The following IMMP2L variants were observed in gnomAD, a reference collection of about 807,000 sequenced individuals.
IMMP2L encodes the protein inner mitochondrial membrane peptidase subunit 2.
In IMMP2L, 18 loss-of-function variants were observed where a neutral mutation model predicts 19.3. The observed-to-expected ratio is 0.93, with a 90% CI of 0.64 to 1.38. The LOEUF (loss-of-function observed/expected upper bound fraction) is 1.38, where lower values mean the gene tolerates loss of function less well. IMMP2L is among the 40% of genes most tolerant of loss of function. The probability of loss-of-function intolerance (pLI) is 0.00; values close to 1 mark genes in which losing one functional copy is unlikely to be tolerated. For synonymous variants in IMMP2L, 76 were observed against 73.0 expected (o/e 1.04, Z -0.21); for missense variants, 233 against 218.2 (o/e 1.07, Z -0.43).
At chr7:111,209,328 C>T (rs375105750) in intron 3 of IMMP2L, among the ~76,000 whole-genome samples, 9 of 144,104 alleles carry the variant, frequency 6.2e-5, no homozygotes, top group South Asian at 2.2e-4. Flanking sequence ...ACCCAGGAGA[C>T]GGAGGTTGCA....
chr7:111,160,737 A>G (rs1805166606), intron 3 of IMMP2L, among the ~76,000 whole-genome samples: 1 of 150,560 alleles, frequency 6.6e-6, no homozygotes, highest in Non-Finnish European at 1.5e-5. Context: ...GTAAAAGTAA[A>G]ATTAAAAAAT....
At chr7:111,243,411 T>A (rs1280484409) in intron 3 of IMMP2L, among the ~76,000 whole-genome samples, 1 of 152,080 alleles carries the variant, frequency 6.6e-6, no homozygotes, top group Non-Finnish European at 1.5e-5. Flanking sequence ...GGACTAGTAA[T>A]TTCCACAATA....
At chr7:111,342,613 A>T (rs1026877687) in intron 3 of IMMP2L, among the ~76,000 whole-genome samples, 5 of 152,044 alleles carry the variant, frequency 3.3e-5, no homozygotes, top group Non-Finnish European at 5.9e-5. Flanking sequence ...TAAAGGTCAT[A>T]TACAATTTTA....
rs148491067 is a variant in IMMP2L, at chr7:111,465,091, G to A, written c.239+22147C>T. ...ATTACAGGTGTGAGCCACCGCGTCC[G>A]GCCAACACAGCCAACTCTTTAAATT... On this transcript the variant is annotated intron_variant, in intron 3 of 5. Coordinates refer to ENST00000405709, the MANE Select transcript of IMMP2L (RefSeq NM_032549.4). Among the ~76,000 whole-genome samples the A allele has an allele frequency of 1.8e-4, 28 of 151,846 alleles. No homozygotes were observed. In the East Asian group the frequency reaches 4.5e-3, roughly 24 times the overall value.
chr7:111,350,520 C>T (rs1425450007), intron 3 of IMMP2L, among the ~76,000 whole-genome samples: 3 of 152,006 alleles, frequency 2.0e-5, no homozygotes, highest in African/African-American at 7.2e-5. Flanking sequence ...AATATTCCTT[C>T]CTCAGATAGG....
chr7:111,027,251 C>G (rs1036391197), intron 3 of IMMP2L, among the ~76,000 whole-genome samples: 3 of 152,114 alleles, frequency 2.0e-5, no homozygotes, highest in Non-Finnish European at 4.4e-5. Flanking sequence ...GGGCTGAGTT[C>G]TCATTTGCTG....
chr7:111,407,175 G>A (rs988134756), intron 3 of IMMP2L, among the ~76,000 whole-genome samples: 1 of 151,936 alleles, frequency 6.6e-6, no homozygotes, highest in African/African-American at 2.4e-5. Flanking sequence ...GAGGTTGTGG[G>A]GAAAATAGAA....
At chr7:111,066,601 A>G (rs1485440176) in intron 3 of IMMP2L, among the ~76,000 whole-genome samples, 3 of 152,176 alleles carry the variant, frequency 2.0e-5, no homozygotes, top group Non-Finnish European at 2.9e-5. Context: ...CTCAAAGGCA[A>G]TGGCCAAATA....
chr7:111,326,737 C>T (rs1825358022), intron 3 of IMMP2L, among the ~76,000 whole-genome samples: 1 of 151,814 alleles, frequency 6.6e-6, no homozygotes, highest in Admixed American at 6.6e-5. Flanking sequence ...AACCCTTATG[C>T]ACTGTTGGTG....
At chr7:111,343,792 A>C (rs1270859356) in intron 3 of IMMP2L, among the ~76,000 whole-genome samples, 1 of 152,156 alleles carries the variant, frequency 6.6e-6, no homozygotes, top group Admixed American at 6.6e-5. Flanking sequence ...AGGGTGAAAC[A>C]GAAAGTAACC....
intron 3 of IMMP2L, among the ~76,000 whole-genome samples, chr7:111,169,997 T>C (rs1242378726): frequency 6.6e-6 from 1 of 151,906 alleles, no homozygotes; most frequent in Non-Finnish European, 1.5e-5. Context: ...AAAAGATATG[T>C]AGATATAAAA....
At chr7:111,358,829 G>A (rs1177712772) in intron 3 of IMMP2L, among the ~76,000 whole-genome samples, 1 of 152,050 alleles carries the variant, frequency 6.6e-6, no homozygotes, top group Non-Finnish European at 1.5e-5. Flanking sequence ...AAATTAACAA[G>A]GGACAGAAAT....
intron 3 of IMMP2L, among the ~76,000 whole-genome samples, chr7:111,142,549 A>G (rs1011511153): frequency 6.6e-6 from 1 of 152,134 alleles, no homozygotes; most frequent in African/African-American, 2.4e-5. Flanking sequence ...TTTCCTGAAC[A>G]GGACAAGCAG....
intron 3 of IMMP2L, among the ~76,000 whole-genome samples, chr7:111,278,094 GT>G (rs1170407533): frequency 1.3e-5 from 2 of 152,098 alleles, no homozygotes; most frequent in African/African-American, 4.8e-5. Context: ...TGGGAGAGGG[GT>G]GAGGGCTAAA....
intron 3 of IMMP2L, among the ~76,000 whole-genome samples, chr7:111,291,430 T>C (rs1821095059): frequency 6.6e-6 from 1 of 152,204 alleles, no homozygotes; most frequent in Admixed American, 6.6e-5. Context: ...CATCCAGTCT[T>C]ACTTTTGACA....
intron 2 of IMMP2L, among the ~76,000 whole-genome samples, chr7:111,502,035 A>T (rs1399211145): frequency 6.6e-6 from 1 of 151,966 alleles, no homozygotes; most frequent in Non-Finnish European, 1.5e-5. Flanking sequence ...GGCAAATTGG[A>T]TAAAGAGTCA....
At chr7:110,809,301 C>T (rs985951727) in intron 5 of IMMP2L, among the ~76,000 whole-genome samples, 10 of 151,936 alleles carry the variant, frequency 6.6e-5, no homozygotes, top group Non-Finnish European at 1.3e-4. Context: ...AAAACAAATA[C>T]TCTTAGACAT....
At chr7:111,072,686 G>A (rs1311606688) in intron 3 of IMMP2L, among the ~76,000 whole-genome samples, 1 of 152,122 alleles carries the variant, frequency 6.6e-6, no homozygotes, top group Admixed American at 6.5e-5. Context: ...ACGAGGTCAG[G>A]AGATTGAGAC....
intron 3 of IMMP2L, among the ~76,000 whole-genome samples, chr7:111,316,839 T>A (rs1824140232): frequency 7.0e-6 from 1 of 143,188 alleles, no homozygotes; most frequent in Non-Finnish European, 1.5e-5. Flanking sequence ...GGCTCCTTTT[T>A]TTTTTCTTTT....
Sources: gnomAD v4.1 joint callset for allele counts (sites outside exome capture counted in the v4.1 genomes callset) on GRCh38, gnomAD v4.1.1 for gene constraint, MANE v1.5 for transcripts, NCBI Gene and HGNC (gene_info 2026-07-23, HGNC 2026-07-21) for gene names.